The following MSRB3 variants were observed in gnomAD, a reference collection of about 807,000 sequenced individuals.
The protein encoded by MSRB3 is methionine-R-sulfoxide reductase B3.
A neutral mutation model predicts 21.0 loss-of-function variants in MSRB3; 13 were observed. The ratio of observed to expected loss-of-function variants is 0.62; its 90% CI spans 0.40 to 0.98. The LOEUF is 0.98. MSRB3 is among the 50% of genes least tolerant of loss of function. The pLI, the probability that MSRB3 is intolerant of heterozygous loss-of-function variation, is 0.00. For synonymous variants in MSRB3, 87 were observed against 88.6 expected (o/e 0.98, Z 0.10); for missense variants, 199 against 230.3 (o/e 0.86, Z 0.88).
intron 5 of MSRB3, among the ~76,000 whole-genome samples, chr12:65,388,141 A>T (rs1879287249): frequency 6.6e-6 from 1 of 151,912 alleles, no homozygotes. Flanking sequence ...AACAAGTTTA[A>T]AAAAAAATGT....
chr12:65,313,110 T>G (rs73318452), intron 2 of MSRB3, among the ~76,000 whole-genome samples: 4,026 of 152,194 alleles, frequency 0.026, 192 homozygotes, highest in African/African-American at 0.092. Flanking sequence ...GTTTTGAGTT[T>G]TGGTAGTAAA....
At chr12:65,381,320 C>T (rs1177382107) in intron 5 of MSRB3, among the ~76,000 whole-genome samples, 3 of 152,054 alleles carry the variant, frequency 2.0e-5, no homozygotes, top group Admixed American at 2.0e-4. Context: ...TGGAATGAAT[C>T]GATGATCATG....
At chr12:65,410,050 T>G (rs975174265) in intron 5 of MSRB3, among the ~76,000 whole-genome samples, 4 of 152,194 alleles carry the variant, frequency 2.6e-5, no homozygotes, top group African/African-American at 9.7e-5. Flanking sequence ...GCGTGTTGTA[T>G]TTGAAACCTA....
chr12:65,327,533 A>G (rs1875129819), intron 3 of MSRB3, among the ~76,000 whole-genome samples: 1 of 152,220 alleles, frequency 6.6e-6, no homozygotes, highest in Non-Finnish European at 1.5e-5. Context: ...GACTGTTTTT[A>G]GTGAATAAAG....
chr12:65,351,862 A>G (rs913208475), intron 4 of MSRB3, among the ~76,000 whole-genome samples: 112 of 152,310 alleles, frequency 7.4e-4, no homozygotes, highest in African/African-American at 2.1e-3. Flanking sequence ...ACATGGATTC[A>G]CAGCCGAATT....
intron 4 of MSRB3, among the ~76,000 whole-genome samples, chr12:65,354,194 A>AT (rs1441909301): frequency 6.6e-6 from 1 of 151,802 alleles, no homozygotes; most frequent in Admixed American, 6.6e-5. Context: ...GAATCTGACA[A>AT]TTATGTGTCT....
chr12:65,399,224 C>T (rs1381857015), intron 5 of MSRB3, among the ~76,000 whole-genome samples: 2 of 152,158 alleles, frequency 1.3e-5, no homozygotes, highest in Non-Finnish European at 2.9e-5. Flanking sequence ...GATATTGATT[C>T]TTCCTATCCA....
At chr12:65,414,212 T>C (rs1360018145) in intron 5 of MSRB3, among the ~76,000 whole-genome samples, 1 of 152,162 alleles carries the variant, frequency 6.6e-6, no homozygotes, top group Non-Finnish European at 1.5e-5. Context: ...ATATACAGAA[T>C]AGGCTATAGA....
intron 4 of MSRB3, among the ~76,000 whole-genome samples, chr12:65,345,579 CT>C (rs997008292): frequency 2.0e-5 from 3 of 151,718 alleles, no homozygotes; most frequent in African/African-American, 4.8e-5. Flanking sequence ...TAAGGAAGAT[CT>C]TTTTTTTATT....
chr12:65,449,131 C>A (rs1417170645), intron 5 of MSRB3, among the ~76,000 whole-genome samples: 1 of 152,000 alleles, frequency 6.6e-6, no homozygotes, highest in Non-Finnish European at 1.5e-5. Flanking sequence ...TGGGTTCATG[C>A]CATTCTCCTG....
chr12:65,324,734 T>C (rs1874904315), intron 2 of MSRB3, among the ~76,000 whole-genome samples: 2 of 152,202 alleles, frequency 1.3e-5, no homozygotes, highest in Admixed American at 6.5e-5. Flanking sequence ...GAACACTCCT[T>C]AGTAAATGAC....
At chr12:65,406,590 T>C (rs1184509293) in intron 5 of MSRB3, among the ~76,000 whole-genome samples, 2 of 152,128 alleles carry the variant, frequency 1.3e-5, no homozygotes, top group African/African-American at 4.8e-5. Context: ...AAAAATAACC[T>C]TAAAATTTAT....
chr12:65,324,649 G>A (rs901343505), intron 2 of MSRB3, among the ~76,000 whole-genome samples: 2 of 152,178 alleles, frequency 1.3e-5, no homozygotes, highest in Non-Finnish European at 2.9e-5. Flanking sequence ...ATTCATGAGA[G>A]AGGGAGAATG....
At chr12:65,372,829 A>G (rs928785787) in intron 5 of MSRB3, among the ~76,000 whole-genome samples, 2 of 152,210 alleles carry the variant, frequency 1.3e-5, no homozygotes. Context: ...CAATTAAATA[A>G]AAGAACTTAC....
At chr12:65,378,145 G>A (rs1878737274) in intron 5 of MSRB3, among the ~76,000 whole-genome samples, 2 of 152,082 alleles carry the variant, frequency 1.3e-5, no homozygotes. Context: ...TTGGCAAAAA[G>A]TTATTTGCCT....
intron 5 of MSRB3, among the ~76,000 whole-genome samples, chr12:65,371,328 C>CAAAAAAAAAAA (rs34453745): frequency 1.2e-5 from 1 of 84,860 alleles, no homozygotes. Flanking sequence ...GACTCCATCT[C>CAAAAAAAAAAA]AAAAAAAAAA....
chr12:65,383,769 T>C (rs1019503798), intron 5 of MSRB3, among the ~76,000 whole-genome samples: 25 of 151,984 alleles, frequency 1.6e-4, no homozygotes, highest in Non-Finnish European at 2.6e-4. Context: ...CAAGTGATTT[T>C]CCTGCCTCAG....
At chr12:65,345,066 A>G (rs574286567) in intron 4 of MSRB3, among the ~76,000 whole-genome samples, 26 of 152,214 alleles carry the variant, frequency 1.7e-4, no homozygotes, top group Non-Finnish European at 2.8e-4. Context: ...TGGAGAGCTG[A>G]AAAGATTTAT....
At chr12:65,286,725 A>G in intron 1 of MSRB3, 1 of 151,802 alleles carries the variant, frequency 6.6e-6, no homozygotes, top group Non-Finnish European at 1.5e-5. Context: ...TAAAAAAAAA[A>G]AAACACTCAG....
Sources: gnomAD v4.1 joint callset for allele counts (sites outside exome capture counted in the v4.1 genomes callset) on GRCh38, gnomAD v4.1.1 for gene constraint, MANE v1.5 for transcripts, NCBI Gene and HGNC (gene_info 2026-07-23, HGNC 2026-07-21) for gene names.